The following CEP112 variants were observed in gnomAD, a reference collection of about 807,000 sequenced individuals.
The protein encoded by CEP112 is centrosomal protein 112, also known as centrosomal protein of 112 kDa.
In CEP112, 127 loss-of-function variants were observed where a neutral mutation model predicts 153.0. The observed-to-expected ratio is 0.83, with a 90% CI of 0.72 to 0.96. The LOEUF (loss-of-function observed/expected upper bound fraction) is 0.96. Among genes scored for constraint, CEP112 ranks in the 40% least tolerant of loss-of-function variants. CEP112 has a pLI of 0.00. For synonymous variants in CEP112, 358 were observed against 374.4 expected, an observed-to-expected ratio of 0.96 and a Z score of 0.51; for missense variants, 1,089 against 1,101.2, an observed-to-expected ratio of 0.99 and a Z score of 0.16.
At chr17:66,085,495 T>C (rs1268844615) in intron 8 of CEP112, among the ~76,000 whole-genome samples, 3 of 152,134 alleles carry the variant, frequency 2.0e-5, no homozygotes, top group Admixed American at 1.3e-4. Context: ...TACACAAAGA[T>C]ATGCATAGGG....
chr17:66,010,638 G>C (rs1370254588), intron 16 of CEP112, among the ~76,000 whole-genome samples: 1 of 152,024 alleles, frequency 6.6e-6, no homozygotes, highest in East Asian at 1.9e-4. Flanking sequence ...TTCCTTTAAT[G>C]CCTAGTTTGT....
At chr17:66,068,925 A>T (rs1017969847) in intron 9 of CEP112, among the ~76,000 whole-genome samples, 1 of 152,068 alleles carries the variant, frequency 6.6e-6, no homozygotes, top group African/African-American at 2.4e-5. Context: ...TTTAAACTAA[A>T]GTAAAACTCT....
chr17:66,166,278 T>C (rs2071953325), intron 4 of CEP112, among the ~76,000 whole-genome samples: 1 of 152,208 alleles, frequency 6.6e-6, no homozygotes, highest in South Asian at 2.1e-4. Flanking sequence ...TCTTCCATTG[T>C]AAAGCAGTGT....
intron 18 of CEP112, among the ~76,000 whole-genome samples, chr17:65,929,208 A>T (rs995930746): frequency 6.6e-6 from 1 of 152,202 alleles, no homozygotes; most frequent in African/African-American, 2.4e-5. Flanking sequence ...TGTGAATTTT[A>T]TCTCAACAAA....
At chr17:66,027,059 G>A (rs956775653) in intron 16 of CEP112, among the ~76,000 whole-genome samples, 1 of 152,140 alleles carries the variant, frequency 6.6e-6, no homozygotes, top group African/African-American at 2.4e-5. Flanking sequence ...TTTAATTACT[G>A]GTTAGCTGAA....
At chr17:65,674,094 C>T (rs2047109972) in intron 24 of CEP112, among the ~76,000 whole-genome samples, 1 of 152,184 alleles carries the variant, frequency 6.6e-6, no homozygotes, top group Non-Finnish European at 1.5e-5. Flanking sequence ...TCAGGTTGGT[C>T]TCCTGACCTC....
At chr17:66,149,888 G>GTTTTTTTTTTTTT (rs71160535) in intron 4 of CEP112, among the ~76,000 whole-genome samples, 23 of 54,722 alleles carry the variant, frequency 4.2e-4, no homozygotes, top group Non-Finnish European at 5.2e-4. Context: ...TTGTTTGTTT[G>GTTTTTTTTTTTTT]TTTTTTTTTT....
intron 17 of CEP112, among the ~76,000 whole-genome samples, chr17:65,967,832 G>C (rs553160575): frequency 3.3e-5 from 5 of 152,004 alleles, no homozygotes; most frequent in Admixed American, 6.6e-5. Context: ...ACAAAAGCAA[G>C]TAATACTTCT....
chr17:65,844,443 T>C (rs1055390504), intron 21 of CEP112, among the ~76,000 whole-genome samples: 7 of 152,200 alleles, frequency 4.6e-5, no homozygotes, highest in African/African-American at 1.7e-4. Flanking sequence ...CACAGCACTT[T>C]AGGAGTCAAG....
intron 17 of CEP112, among the ~76,000 whole-genome samples, chr17:65,992,765 C>G (rs2063639731): frequency 6.6e-6 from 1 of 152,136 alleles, no homozygotes; most frequent in African/African-American, 2.4e-5. Context: ...CAATTCCTCA[C>G]TTTGGCAATC....
At chr17:66,033,746 T>A (rs1383831069) in intron 12 of CEP112, among the ~76,000 whole-genome samples, 1 of 152,240 alleles carries the variant, frequency 6.6e-6, no homozygotes, top group African/African-American at 2.4e-5. Context: ...GCTTTTTCTT[T>A]CTTTGTTGTT....
At chr17:65,974,718 A>G (rs1338364022) in intron 17 of CEP112, among the ~76,000 whole-genome samples, 1 of 152,224 alleles carries the variant, frequency 6.6e-6, no homozygotes, top group African/African-American at 2.4e-5. Flanking sequence ...GTACAAAAGT[A>G]TCCATGCCTT....
intron 12 of CEP112, among the ~76,000 whole-genome samples, chr17:66,037,837 A>C (rs1364029697): frequency 6.6e-6 from 1 of 152,164 alleles, no homozygotes; most frequent in East Asian, 1.9e-4. Flanking sequence ...TTGTCAAAAG[A>C]CTACTTCTCC....
intron 10 of CEP112, 25 bp downstream of exon 10, chr17:66,066,753 G>T: frequency 7.3e-7 from 1 of 1,363,630 alleles, no homozygotes; most frequent in South Asian, 1.5e-5. Flanking sequence ...GTTATTAAAA[G>T]ATGTATGTAA....
chr17:66,126,528 G>A (rs928995689), intron 6 of CEP112, among the ~76,000 whole-genome samples: 4 of 151,192 alleles, frequency 2.6e-5, no homozygotes, highest in African/African-American at 4.9e-5. Context: ...AGTCAGACAC[G>A]AAATAGGTAA....
intron 12 of CEP112, among the ~76,000 whole-genome samples, chr17:66,037,312 A>G (rs2065777904): frequency 6.6e-6 from 1 of 152,146 alleles, no homozygotes; most frequent in Non-Finnish European, 1.5e-5. Flanking sequence ...TGCTCTAAAA[A>G]TAACATTTCA....
intron 23 of CEP112, among the ~76,000 whole-genome samples, chr17:65,742,673 AATGAAAGG>A (rs138647118): frequency 0.016 from 2,392 of 152,306 alleles, 54 homozygotes; most frequent in African/African-American, 0.052. Flanking sequence ...GCGAATACAT[AATGAAAGG>A]ATGTGGGCAA....
chr17:66,026,828 G>A (rs895399708), intron 16 of CEP112, among the ~76,000 whole-genome samples: 2 of 152,084 alleles, frequency 1.3e-5, no homozygotes, highest in African/African-American at 4.8e-5. Context: ...TTGACACATG[G>A]CAAATCCAAG....
intron 19 of CEP112, among the ~76,000 whole-genome samples, chr17:65,908,467 G>A (rs919113399): frequency 3.3e-5 from 5 of 152,240 alleles, no homozygotes; most frequent in Non-Finnish European, 5.9e-5. Flanking sequence ...AGGCTGAGCC[G>A]GGCGGATCAT....
Sources: gnomAD v4.1 joint callset for allele counts (sites outside exome capture counted in the v4.1 genomes callset) on GRCh38, gnomAD v4.1.1 for gene constraint, MANE v1.5 for transcripts, NCBI Gene and HGNC (gene_info 2026-07-23, HGNC 2026-07-21) for gene names.